ARHGEF16: variants seen among roughly 807,000 people sequenced by gnomAD.
ARHGEF16 encodes the protein Rho guanine exchange factor (GEF) 16.
In ARHGEF16, 59 loss-of-function variants were observed where a neutral mutation model predicts 74.1. That is an observed-to-expected ratio of 0.80 (90% CI 0.65 to 0.99). The LOEUF (loss-of-function observed/expected upper bound fraction) is 0.99. Among genes scored for constraint, ARHGEF16 ranks in the 50% least tolerant of loss-of-function variants. The pLI is 0.00. For synonymous variants in ARHGEF16, 415 were observed against 412.6 expected (o/e 1.01, Z -0.07); for missense variants, 948 against 986.6 (o/e 0.96, Z 0.52).
chr1:3,469,940 G>A (rs972704052), intron 6 of ARHGEF16, among the ~76,000 whole-genome samples: 1 of 152,252 alleles, frequency 6.6e-6, no homozygotes, highest in Non-Finnish European at 1.5e-5. Flanking sequence ...GTGGCCACAA[G>A]CTGCTCACCT....
At chr1:3,459,369 C>T (rs16823777) in intron 1 of ARHGEF16, among the ~76,000 whole-genome samples, 4,093 of 152,282 alleles carry the variant, frequency 0.027, 125 homozygotes, top group East Asian at 0.13. Flanking sequence ...GGGCGCTGCC[C>T]GACTCTGGGA....
chr1:3,478,676 T>C, intron 12 of ARHGEF16, 64 bp downstream of exon 12: 4 of 1,506,974 alleles, frequency 2.7e-6, no homozygotes, highest in South Asian at 1.3e-5. Flanking sequence ...GGGGACCGGG[T>C]TGTCCCCCTG....
chr1:3,468,592 C>A (rs147622233), intron 4 of ARHGEF16: 7 of 465,264 alleles, frequency 1.5e-5, no homozygotes, highest in African/African-American at 9.9e-5. Flanking sequence ...AAGATCCCCC[C>A]CCGCCCTCTG....
chr1:3,475,964 C>T lies in ARHGEF16; in HGVS notation c.1381-6C>T. On this transcript the variant is annotated splice_polypyrimidine_tract_variant and splice_region_variant and intron_variant, in intron 9 of 14. Coordinates refer to ENST00000378378, the MANE Select transcript of ARHGEF16 (RefSeq NM_014448.4). The stretch of plus-strand genomic sequence containing the variant: ...CAGCCTCTCACACGGGAACCATGCC[C>T]TGCAGCTGGTGAGGCAGTGCAACGA... 1 of 1,550,222 alleles carries T rather than the reference C, an allele frequency of 6.5e-7. No individual in the cohort carries two copies.
intron 6 of ARHGEF16, among the ~76,000 whole-genome samples, chr1:3,470,669 GAGT>G (rs954040143): frequency 1.3e-5 from 2 of 150,024 alleles, no homozygotes; most frequent in African/African-American, 2.5e-5. Flanking sequence ...GGATGTATGT[GAGT>G]AGGTGTGTGT....
chr1:3,467,739 A>C (rs1426580978), intron 4 of ARHGEF16, among the ~76,000 whole-genome samples: 13 of 152,106 alleles, frequency 8.5e-5, no homozygotes, highest in African/African-American at 3.1e-4. Flanking sequence ...TTCACTTTCC[A>C]TATCTGAAAT....
intron 9 of ARHGEF16, 62 bp downstream of exon 9, chr1:3,474,844 A>G: frequency 7.4e-7 from 1 of 1,353,014 alleles, no homozygotes; most frequent in Non-Finnish European, 1.0e-6. Flanking sequence ...TCCCCACCCA[A>G]CCCCACCCTA....
chr1:3,479,911 A>G lies in ARHGEF16; in HGVS notation c.1988A>G (p.Asp663Gly), dbSNP rs757560692. 1 of 1,612,088 alleles carries G rather than the reference A, an allele frequency of 6.2e-7. No homozygotes were observed. Among genetic ancestry groups the G allele is most frequent in the South Asian group, 1.1e-5 (1 of 91,070 alleles). ...ADVVLVLQQE[D>G]GWLYGERLRD... The stretch of plus-strand genomic sequence containing the variant: ...GTGGTCCTGGTTCTGCAGCAGGAGG[A>G]TGGTGAGTGCAGGGGCGTTGGGCAC... The change falls in exon 14 of 15, where the codon GAT (aspartate) becomes GGT (glycine). Residue 663 changes from aspartate to glycine, a missense_variant and splice_region_variant. Transcript: ENST00000378378.
chr1:3,459,762 C>T (rs913625381), intron 1 of ARHGEF16, among the ~76,000 whole-genome samples: 1 of 152,318 alleles, frequency 6.6e-6, no homozygotes, highest in Non-Finnish European at 1.5e-5. Context: ...AAATCATTAA[C>T]AGGACGTGGA....
chr1:3,460,037 G>A lies in ARHGEF16; in HGVS notation c.-19-3029G>A, dbSNP rs577991622. Among the ~76,000 whole-genome samples the A allele has an allele frequency of 1.3e-4, 20 of 152,354 alleles. No individual in the cohort carries two copies. In the South Asian group the frequency reaches 3.9e-3, roughly 30 times the overall value. ...CTCGTTGACTTTTGAAACGGTGTCT[G>A]TGTCTTCATAGTTCTTTAGAAAAAC... On this transcript the variant is annotated intron_variant, in intron 1 of 14. Transcript: ENST00000378378.
At chr1:3,456,906 G>C (rs939981156) in intron 1 of ARHGEF16, among the ~76,000 whole-genome samples, 1 of 152,180 alleles carries the variant, frequency 6.6e-6, no homozygotes, top group Non-Finnish European at 1.5e-5. Flanking sequence ...GGAGGGCCAG[G>C]TGCACTTCCC....
intron 4 of ARHGEF16, among the ~76,000 whole-genome samples, chr1:3,467,729 T>C (rs1216110586): frequency 1.3e-5 from 2 of 152,166 alleles, no homozygotes; most frequent in Non-Finnish European, 2.9e-5. Context: ...AAGACACTCC[T>C]TCACTTTCCA....
rs1377045352 is a variant in ARHGEF16, at chr1:3,469,511, A to G, written c.940A>G (p.Lys314Glu). 1 of 1,613,148 alleles carries G rather than the reference A, an allele frequency of 6.2e-7. No individual in the cohort carries two copies. The highest frequency in any genetic ancestry group is 1.1e-5 in the South Asian group (1 of 91,078). Residue 314 changes from lysine (K) to glutamate (E), a missense_variant, in exon 6 of 15, where the codon AAG (lysine) becomes GAG (glutamate). Lys to Glu is a moderately conservative substitution (Grantham distance 56). Coordinates refer to ENST00000378378, the MANE Select transcript of ARHGEF16 (RefSeq NM_014448.4). ...SILVEEFLQSKELRATVTQME... is the reference protein window; with the variant it reads ...SILVEEFLQSEELRATVTQME... The stretch of plus-strand genomic sequence containing the variant: ...CCTGGTGGAGGAGTTCCTGCAGTCC[A>G]AGGAGCTGCGGGCGACCGTGACCCA...
intron 1 of ARHGEF16, 95 bp from the exon 2 acceptor site, chr1:3,462,971 C>A: frequency 1.2e-6 from 1 of 865,802 alleles, no homozygotes; most frequent in African/African-American, 1.7e-5. Context: ...TGTACTGGAG[C>A]CCCGGCCAGA....
chr1:3,473,794 C>T (rs1411488941), intron 8 of ARHGEF16: 10 of 537,730 alleles, frequency 1.9e-5, no homozygotes, highest in East Asian at 7.2e-5. Context: ...GGCACACTGA[C>T]GAGTTGGAAC....
chr1:3,480,173 C>CGAG lies in ARHGEF16; in HGVS notation c.1990+261_1990+263dup, dbSNP rs1640016904. Reference sequence around the variant, plus strand: ...GATCCCCGCTCAGCCAGGCCCAGCACGAGCCTGCAGAGGGCAGGCAGGGCT... The same window carrying CGAG: ...GATCCCCGCTCAGCCAGGCCCAGCACGAGGAGCCTGCAGAGGGCAGGCAGGGCT... On this transcript the variant is annotated intron_variant, in intron 14 of 14. Coordinates refer to ENST00000378378, the MANE Select transcript of ARHGEF16 (RefSeq NM_014448.4). Among the ~76,000 whole-genome samples the CGAG allele has an allele frequency of 2.0e-5, 3 of 152,288 alleles. No individual in the cohort carries two copies. In the South Asian group the frequency reaches 6.2e-4, roughly 32 times the overall value.
chr1:3,466,230 C>G, intron 3 of ARHGEF16, 37 bp downstream of exon 3: 2 of 1,530,010 alleles, frequency 1.3e-6, no homozygotes, highest in South Asian at 1.2e-5. Context: ...GGGCTGGGCT[C>G]CAGTTGAAAC....
At chr1:3,476,991 C>A (rs1226144259) in intron 10 of ARHGEF16, among the ~76,000 whole-genome samples, 2 of 152,068 alleles carry the variant, frequency 1.3e-5, no homozygotes, top group Non-Finnish European at 2.9e-5. Context: ...CAAGGACCCC[C>A]TCCCAGGCCT....
chr1:3,455,917 G>T (rs962176702), intron 1 of ARHGEF16, among the ~76,000 whole-genome samples: 5 of 152,176 alleles, frequency 3.3e-5, no homozygotes, highest in African/African-American at 1.2e-4. Flanking sequence ...ACCCTGCTGT[G>T]CGATGCCCAC....
Sources: gnomAD v4.1 joint callset for allele counts (sites outside exome capture counted in the v4.1 genomes callset) on GRCh38, gnomAD v4.1.1 for gene constraint, MANE v1.5 for transcripts, NCBI Gene and HGNC (gene_info 2026-07-23, HGNC 2026-07-21) for gene names.